Variants in CD300A observed in about 807,000 individuals in gnomAD.
CD300A encodes CD300a molecule, also known as CMRF35-like molecule 8.
In CD300A, 22 loss-of-function variants were observed where a neutral mutation model predicts 33.6. That is an observed-to-expected ratio of 0.66 (90% CI 0.47 to 0.94). The LOEUF (loss-of-function observed/expected upper bound fraction) is 0.94, where lower values mean the gene tolerates loss of function less well. Among genes scored for constraint, CD300A ranks in the 40% least tolerant of loss-of-function variants. The pLI, the probability that CD300A is intolerant of heterozygous loss-of-function variation, is 0.00. For synonymous variants in CD300A, 136 were observed against 148.1 expected (o/e 0.92, Z 0.59); for missense variants, 326 against 360.5 (o/e 0.90, Z 0.77).
At chr17:74,483,284 G>A (rs16978057) in intron 6 of CD300A, among the ~76,000 whole-genome samples, 11,084 of 152,092 alleles carry the variant, frequency 0.073, 485 homozygotes, top group South Asian at 0.17. Context: ...CCTAGAGAAC[G>A]AGGGGTCCTC....
intron 4 of CD300A, among the ~76,000 whole-genome samples, chr17:74,479,992 C>T (rs183685212): frequency 2.0e-5 from 3 of 152,284 alleles, no homozygotes; most frequent in African/African-American, 4.8e-5. Context: ...CTTCCCCTAC[C>T]GCTGGCTCCC....
intron 4 of CD300A, among the ~76,000 whole-genome samples, chr17:74,479,705 A>G (rs1238362395): frequency 6.6e-6 from 1 of 152,098 alleles, no homozygotes; most frequent in Non-Finnish European, 1.5e-5. Flanking sequence ...AACAAGATAA[A>G]GGCTTTCTAT....
chr17:74,467,363 G>A lies in CD300A; in HGVS notation c.40+620G>A, dbSNP rs557490846. 1.8e-4 allele frequency among the ~76,000 whole-genome samples: 28 copies of A among 152,306 alleles called. 1 individual carries two copies. In the South Asian group the frequency reaches 5.4e-3, roughly 29 times the overall value. On this transcript the variant is annotated intron_variant, in intron 1 of 6. Coordinates refer to ENST00000360141, the MANE Select transcript of CD300A (RefSeq NM_007261.4). ...GCAGCCTTGGCTGGGGTTAGCCCCT[G>A]CATGGGCCTGAGAACCAGGGGTCAG...
chr17:74,474,194 G>GA (rs1024608891), intron 2 of CD300A, among the ~76,000 whole-genome samples: 2 of 151,694 alleles, frequency 1.3e-5, no homozygotes, highest in South Asian at 2.1e-4. Context: ...GAGGCTGGGG[G>GA]GCCAGATGGG....
At position 74,474,628 on chromosome 17, in the gene CD300A, T is replaced by C; in HGVS notation, c.476T>C (p.Val159Ala). The change falls in exon 3 of 7, where the codon GTG becomes GCG. Residue 159 changes from valine (V) to alanine (A), a missense_variant. Physicochemically the swap from Val to Ala is moderately conservative, Grantham distance 64. Transcript: ENST00000360141. ...PPVSSTTLFA[V>A]GATHSASIQE... ...GTATCATCCACTACCCTGTTTGCAG[T>C]GGGTGCCACCCACAGTGCCAGCATC... is the stretch of plus-strand genomic sequence containing the variant. The C allele has an allele frequency of 6.2e-6, 10 of 1,614,142 alleles. No homozygotes were observed. Among genetic ancestry groups the C allele is most frequent in the African/African-American group, 1.3e-5 (1 of 75,048 alleles).
At chr17:74,469,817 C>T (rs1905975180) in intron 1 of CD300A, 8 of 382,642 alleles carry the variant, frequency 2.1e-5, no homozygotes, top group Admixed American at 6.4e-5. Context: ...AAGAGCGAAA[C>T]TCTGTCTCAA....
Position 74,484,178 on chromosome 17 carries a change from G to C in CD300A, c.*52G>C. On this transcript the variant is annotated 3_prime_UTR_variant, in exon 7 of 7. Transcript: ENST00000360141. ...CTCTCATGGGCCCCAGGAAGTCCAG[G>C]GACAGCTCCCTTATACCTGGCCCAC... 1 of 1,602,290 alleles carries C rather than the reference G, an allele frequency of 6.2e-7. No individual in the cohort carries two copies.
rs1354023737 is a variant in CD300A at position 74,481,300 on chromosome 17, T to C, written c.640T>C (p.Ser214Pro). The C allele has an allele frequency of 5.0e-6, 8 of 1,613,808 alleles. No individual in the cohort carries two copies. Among genetic ancestry groups the C allele is most frequent in the Non-Finnish European group, 5.9e-6 (7 of 1,179,978 alleles). Reference protein sequence around the residue: ...FQKWIKAGDHSELSQNPKQAA... With the variant: ...FQKWIKAGDHPELSQNPKQAA... ...CCTCTTGTCTCTAGCTGGTGACCAT[T>C]CAGAGCTGTCCCAGAACCCCAAGCA... The change falls in exon 5 of 7, where the codon TCA becomes CCA. Residue 214 changes from serine to proline, a missense_variant. By Grantham distance (74) the Ser-to-Pro change is moderately conservative (BLOSUM62 -1). Transcript: ENST00000360141.
intron 1 of CD300A, among the ~76,000 whole-genome samples, chr17:74,470,922 G>C (rs1321077817): frequency 6.6e-6 from 1 of 151,422 alleles, no homozygotes; most frequent in Non-Finnish European, 1.5e-5. Context: ...AAAGTGCTAG[G>C]ATTACAGGCA....
At chr17:74,477,616 T>C in intron 4 of CD300A, 86 bp downstream of exon 4, 1 of 826,748 alleles carries the variant, frequency 1.2e-6, no homozygotes, top group Non-Finnish European at 2.0e-6. Context: ...TATGTCCACG[T>C]CCCACAGTAT....
rs1370156551 is a variant in CD300A, at chr17:74,481,157, C to T, written c.629-132C>T. 3.9e-5 allele frequency: 28 copies of T among 723,764 alleles called. No homozygotes were observed. The South Asian group carries it at 4.8e-4, about 12-fold the overall frequency. 44.8% of individuals were successfully genotyped at this position (723,764 alleles called of 1,614,324 possible). ...AACAAACCCTTGAGTTCCTACCATG[C>T]TTCAGGCCTGAAGGGATAGGTCCCC... is the stretch of plus-strand genomic sequence containing the variant. On this transcript the variant is annotated intron_variant, in intron 4 of 6. Transcript: ENST00000360141.
chr17:74,472,490 T>C (rs372159571), intron 1 of CD300A, among the ~76,000 whole-genome samples: 2 of 152,268 alleles, frequency 1.3e-5, no homozygotes, highest in Non-Finnish European at 1.5e-5. Flanking sequence ...TTTGGGAAAA[T>C]GTCAGACATA....
In CD300A at chr17:74,477,478, G is replaced by C; in HGVS notation, c.576G>C (p.Leu192=). ...CCCTGCTGGCATTGTTGCTGCTTCT[G>C]TTGGTGGGGGCCTCCCTGCTAGCCT... ...LLSLLALLLL[L]LVGASLLAWR... Residue 192 remains leucine, a synonymous_variant, in exon 4 of 7, where the codon CTG becomes CTC. Coordinates refer to ENST00000360141, the MANE Select transcript of CD300A (RefSeq NM_007261.4). 1 of 1,613,678 alleles carries C rather than the reference G, an allele frequency of 6.2e-7. No individual in the cohort carries two copies. Among genetic ancestry groups the C allele is most frequent in the Middle Eastern group, 1.7e-4 (1 of 5,810 alleles).
intron 4 of CD300A, among the ~76,000 whole-genome samples, chr17:74,479,618 C>T (rs1157665715): frequency 1.3e-5 from 2 of 152,148 alleles, no homozygotes; most frequent in Non-Finnish European, 2.9e-5. Flanking sequence ...GTACCATGTT[C>T]CCAGCTAGTA....
At position 74,474,521 on chromosome 17, in the gene CD300A, T is replaced by G. The variant is rs1018422074; in HGVS notation, c.380-11T>G. On this transcript the variant is annotated splice_polypyrimidine_tract_variant and intron_variant, in intron 2 of 6. Transcript: ENST00000360141. ...CAGCTCCCTGGGTCTGACTTGTGGT[T>G]TTGCCACCAGCATCAACGTCAATGA... 7 of 1,613,396 alleles carry G rather than the reference T, an allele frequency of 4.3e-6. No homozygotes were observed. In the Admixed American group the frequency reaches 1.0e-4, roughly 23 times the overall value.
At chr17:74,475,350 TG>T (rs1906391465) in intron 3 of CD300A, among the ~76,000 whole-genome samples, 1 of 152,182 alleles carries the variant, frequency 6.6e-6, no homozygotes, top group Admixed American at 6.5e-5. Context: ...AGATGAGATT[TG>T]GGTGGGGACC....
intron 1 of CD300A, among the ~76,000 whole-genome samples, chr17:74,469,174 T>G (rs778239634): frequency 2.7e-4 from 41 of 152,130 alleles, no homozygotes; most frequent in Non-Finnish European, 5.1e-4. Flanking sequence ...TGCTTCTTTT[T>G]TTTTGATGGA....
At chr17:74,479,290 G>A (rs1906683372) in intron 4 of CD300A, among the ~76,000 whole-genome samples, 1 of 151,822 alleles carries the variant, frequency 6.6e-6, no homozygotes, top group South Asian at 2.1e-4. Flanking sequence ...AGGCTGGCGT[G>A]CAGTGGCATG....
At chr17:74,478,696 A>G (rs1033278971) in intron 4 of CD300A, among the ~76,000 whole-genome samples, 1 of 152,170 alleles carries the variant, frequency 6.6e-6, no homozygotes, top group East Asian at 1.9e-4. Flanking sequence ...AAAGCCTTCC[A>G]AGACTGCAGT....
Sources: allele counts gnomAD v4.1 joint callset (sites outside exome capture counted in the v4.1 genomes callset), GRCh38; gene constraint gnomAD v4.1.1; transcripts MANE v1.5; gene names NCBI Gene and HGNC (gene_info 2026-07-23, HGNC 2026-07-21).